The following SOD1 variants were observed in gnomAD, a reference collection of about 807,000 sequenced individuals.
SOD1 encodes superoxide dismutase [Cu-Zn].
Under a neutral mutation model 15.9 loss-of-function variants are expected in SOD1, and 8 were observed. The observed-to-expected ratio is 0.50, with a 90% confidence interval of 0.30 to 0.91. The LOEUF is 0.91. SOD1 is among the 40% of genes least tolerant of loss of function. The pLI, the probability that SOD1 is intolerant of heterozygous loss-of-function variation, is 0.07. For missense variants in SOD1, 137 were observed against 194.5 expected (o/e 0.70, Z 1.76); for synonymous variants, 86 against 71.2 (o/e 1.21, Z -1.04).
chr21:31,666,089 A>T (rs189646251), intron 2 of SOD1, among the ~76,000 whole-genome samples: 1,518 of 151,112 alleles, frequency 0.01, 16 homozygotes, highest in Non-Finnish European at 0.015. Context: ...CTCCTGCCTC[A>T]GCCTACTAAG....
intron 4 of SOD1, among the ~76,000 whole-genome samples, chr21:31,667,941 T>G (rs17881296): frequency 1.8e-3 from 273 of 152,344 alleles, no homozygotes; most frequent in Middle Eastern, 3.4e-3. Flanking sequence ...TTTATGGTTT[T>G]TCTTGAGCCA....
chr21:31,662,842 G>C (rs1329117608), intron 1 of SOD1, among the ~76,000 whole-genome samples: 1 of 151,988 alleles, frequency 6.6e-6, no homozygotes, highest in African/African-American at 2.4e-5. Context: ...GTGAAACCCC[G>C]TCTCTACTAA....
At position 31,667,271 on chromosome 21, in the gene SOD1, T is replaced by C. The variant is rs121912452; in HGVS notation, c.253T>C (p.Leu85=). The stretch of plus-strand genomic sequence containing the variant: ...TTTCATTATTAGGCATGTTGGAGAC[T>C]TGGGCAATGTGACTGCTGACAAAGA... ...PKDEERHVGD[L]GNVTADKDGV... The change falls in exon 4 of 5, where the codon TTG becomes CTG. Residue 85 remains leucine, a synonymous_variant. Coordinates refer to ENST00000270142, the MANE Select transcript of SOD1 (RefSeq NM_000454.5). The C allele has an allele frequency of 1.9e-6, 3 of 1,613,706 alleles. No homozygotes were observed. The highest frequency in any genetic ancestry group is 2.7e-5 in the African/African-American group (2 of 74,922).
rs1055186134 is a variant in SOD1, at chr21:31,659,922, G to A, written c.72+81G>A. On this transcript the variant is annotated intron_variant, in intron 1 of 4. Coordinates refer to ENST00000270142, the MANE Select transcript of SOD1 (RefSeq NM_000454.5). Reference sequence around the variant, plus strand: ...CGCGCACCTTTGCTAGGAGCGGGTCGCCCGCCAGGCCTCGGGGCCGCCCTG... The same window carrying A: ...CGCGCACCTTTGCTAGGAGCGGGTCACCCGCCAGGCCTCGGGGCCGCCCTG... 6 of 1,436,440 alleles carry A rather than the reference G, an allele frequency of 4.2e-6. No homozygotes were observed. The Admixed American group carries it at 1.0e-4, about 25-fold the overall frequency. 89.0% of individuals were successfully genotyped at this position (1,436,440 alleles called of 1,614,324 possible). A position where few individuals can be genotyped will look rare whatever the true frequency, so the allele number is the denominator to read the frequency against.
intron 2 of SOD1, chr21:31,664,215 T>C (rs1372650772): frequency 5.9e-6 from 2 of 341,572 alleles, no homozygotes; most frequent in Non-Finnish European, 1.2e-5. Context: ...TCAAGTGGTC[T>C]ATCCTCCTCG....
chr21:31,660,336 G>C (rs935007510), intron 1 of SOD1: 1 of 152,370 alleles, frequency 6.6e-6, no homozygotes, highest in African/African-American at 2.4e-5. Context: ...CCGCTTTCCG[G>C]CTTCAGCGCT....
intron 2 of SOD1, chr21:31,664,261 C>G (rs1188833032): frequency 7.1e-6 from 2 of 282,376 alleles, no homozygotes; most frequent in Non-Finnish European, 1.4e-5. Context: ...GTGTGAGCCA[C>G]TGTGCCTGGG....
At chr21:31,660,065 C>T (rs1271971805) in intron 1 of SOD1, 4 of 243,304 alleles carry the variant, frequency 1.6e-5, no homozygotes, top group Non-Finnish European at 2.3e-5. Flanking sequence ...CCGAGGCCGC[C>T]GCGGGGCTGG....
At chr21:31,666,907 T>C (rs2049598338) in intron 3 of SOD1, 2 of 402,754 alleles carry the variant, frequency 5.0e-6, no homozygotes, top group South Asian at 5.4e-5. Context: ...AGACTCCATT[T>C]ATATGTGTAT....
rs10432782 is a variant in SOD1, at chr21:31,664,078, T to G, written c.169+192T>G. ...CTTAGCCTTGACCTCCCAGGCTCCA[T>G]TGATCCTCATGCCTTGGCCCGTAGC... On this transcript the variant is annotated intron_variant, in intron 2 of 4. Transcript: ENST00000270142. 0.19 allele frequency among the ~76,000 whole-genome samples: 29,422 copies of G among 152,086 alleles called. 3,603 individuals carry two copies. Among genetic ancestry groups the G allele is most frequent in the East Asian group, 0.52 (2,667 of 5,148 alleles).
intron 1 of SOD1, chr21:31,660,156 C>A: frequency 6.4e-6 from 1 of 156,474 alleles, no homozygotes; most frequent in South Asian, 2.0e-4. Flanking sequence ...CTCTGTGGTC[C>A]TTGGGCCGCC....
intron 2 of SOD1, among the ~76,000 whole-genome samples, chr21:31,665,159 C>T (rs1003744687): frequency 1.4e-4 from 22 of 152,068 alleles, no homozygotes; most frequent in Admixed American, 7.2e-4. Context: ...TTGGAATATG[C>T]TTAAAAAAAA....
At chr21:31,667,086 C>G (rs908467270) in intron 3 of SOD1, 172 bp from the exon 4 acceptor site, 1 of 653,160 alleles carries the variant, frequency 1.5e-6, no homozygotes, top group Non-Finnish European at 2.8e-6. Flanking sequence ...CATCTTTCTT[C>G]CCAGAGCATT....
intron 4 of SOD1, 68 bp downstream of exon 4, chr21:31,667,443 A>C: frequency 8.6e-7 from 1 of 1,156,076 alleles, no homozygotes; most frequent in Non-Finnish European, 1.3e-6. Flanking sequence ...TTTCACTTTG[A>C]TTGTTAGTCG....
chr21:31,668,580 C>G lies in SOD1; in HGVS notation c.*2C>G, dbSNP rs1804447. 3 of 1,606,584 alleles carry G rather than the reference C, an allele frequency of 1.9e-6. No individual in the cohort carries two copies. Among genetic ancestry groups the G allele is most frequent in the Non-Finnish European group, 1.7e-6 (2 of 1,173,088 alleles). The stretch of plus-strand genomic sequence containing the variant: ...GGTGTAATTGGGATCGCCCAATAAA[C>G]ATTCCCTTGGATGTAGTCTGAGGCC... On this transcript the variant is annotated 3_prime_UTR_variant, in exon 5 of 5. Transcript: ENST00000270142.
intron 1 of SOD1, among the ~76,000 whole-genome samples, chr21:31,662,994 G>A (rs549984048): frequency 2.3e-3 from 343 of 150,964 alleles, no homozygotes; most frequent in African/African-American, 8.1e-3. Context: ...CAGCCTGGGC[G>A]ACAGAGCGAG....
At chr21:31,668,345 ATC>A (rs2049616270) in intron 4 of SOD1, 124 bp from the exon 5 acceptor site, 2 of 710,270 alleles carry the variant, frequency 2.8e-6, no homozygotes, top group Admixed American at 2.2e-5. Flanking sequence ...ATATTAGTAT[ATC>A]TCTCTACTAG....
intron 1 of SOD1, 79 bp from the exon 2 acceptor site, chr21:31,663,711 A>G: frequency 1.7e-6 from 2 of 1,143,272 alleles, no homozygotes; most frequent in South Asian, 2.5e-5. Flanking sequence ...GCTGCTTTTT[A>G]CTTCACTGTG....
chr21:31,663,726 G>C (rs2049568702), intron 1 of SOD1, 64 bp from the exon 2 acceptor site: 3 of 1,281,950 alleles, frequency 2.3e-6, no homozygotes, highest in Admixed American at 1.7e-5. Flanking sequence ...ACTGTGAGGG[G>C]TAAAGGTAAA....
Sources: allele counts gnomAD v4.1 joint callset (sites outside exome capture counted in the v4.1 genomes callset), GRCh38; gene constraint gnomAD v4.1.1; transcripts MANE v1.5; gene names NCBI Gene and HGNC (gene_info 2026-07-23, HGNC 2026-07-21).